The following GRID1 variants were observed in gnomAD, a reference collection of about 807,000 sequenced individuals.
The protein encoded by GRID1 is glutamate receptor ionotropic, delta-1.
In GRID1, 28 loss-of-function variants were observed where a neutral mutation model predicts 98.0. That is an observed-to-expected ratio of 0.29 (90% CI 0.21 to 0.39). GRID1 has a LOEUF of 0.39. Ranked by LOEUF, GRID1 falls within the 10% of genes least tolerant of loss-of-function variation. GRID1 has a pLI of 1.00. For missense variants in GRID1, 1,111 were observed against 1,340.5 expected (o/e 0.83, Z 2.67); for synonymous variants, 553 against 538.5 (o/e 1.03, Z -0.37).
intron 4 of GRID1, among the ~76,000 whole-genome samples, chr10:86,028,571 T>C (rs1843146139): frequency 6.6e-6 from 1 of 152,188 alleles, no homozygotes; most frequent in African/African-American, 2.4e-5. Context: ...CAGATTCACA[T>C]GGAATAGCTG....
intron 4 of GRID1, among the ~76,000 whole-genome samples, chr10:86,084,413 T>G (rs1844021236): frequency 6.6e-6 from 1 of 152,174 alleles, no homozygotes; most frequent in South Asian, 2.1e-4. Context: ...GGAACCCTTA[T>G]GCACTATTGA....
intron 15 of GRID1, chr10:85,607,298 A>G (rs1002333754): frequency 5.9e-5 from 9 of 152,222 alleles, no homozygotes; most frequent in Non-Finnish European, 1.3e-4. Context: ...AACAGCTCTT[A>G]TTGTAAGTTG....
intron 4 of GRID1, among the ~76,000 whole-genome samples, chr10:86,066,937 G>A (rs933120183): frequency 2.0e-5 from 3 of 152,080 alleles, no homozygotes; most frequent in Non-Finnish European, 2.9e-5. Context: ...GGCTTTCCGC[G>A]GGCCACTGTC....
At chr10:85,753,335 T>C (rs1362252506) in intron 8 of GRID1, among the ~76,000 whole-genome samples, 1 of 152,238 alleles carries the variant, frequency 6.6e-6, no homozygotes, top group Admixed American at 6.5e-5. Context: ...GACTGACATG[T>C]AGACAGTGAG....
At chr10:85,882,676 G>C (rs1337727045) in intron 5 of GRID1, among the ~76,000 whole-genome samples, 1 of 152,174 alleles carries the variant, frequency 6.6e-6, no homozygotes, top group African/African-American at 2.4e-5. Context: ...AATGTTAAAT[G>C]ACAAGTTAAT....
Position 86,138,981 on chromosome 10 carries a change from C to T in GRID1, c.564G>A (p.Leu188=), listed in dbSNP as rs1844972269. Residue 188 remains leucine, a synonymous_variant, in exon 4 of 16, where the codon CTG becomes CTA. Transcript: ENST00000327946. The part of the protein sequence containing the change: ...LQSFLDQASR[L]GLDVSLQKVD... Reference sequence around the variant, plus strand: ...CCTTTTGTAAAGAGACGTCAAGGCCCAGCCGCGAGGCCTGGTCCAGAAAGC... The same window carrying T: ...CCTTTTGTAAAGAGACGTCAAGGCCTAGCCGCGAGGCCTGGTCCAGAAAGC... The T allele has an allele frequency of 1.2e-6, 2 of 1,613,970 alleles. No individual in the cohort carries two copies. Among genetic ancestry groups the T allele is most frequent in the South Asian group, 2.2e-5 (2 of 91,074 alleles).
intron 4 of GRID1, among the ~76,000 whole-genome samples, chr10:85,967,093 T>A (rs1378211834): frequency 1.3e-5 from 2 of 152,226 alleles, no homozygotes; most frequent in African/African-American, 4.8e-5. Context: ...CTCTCTCACC[T>A]GCTGCCACGT....
chr10:85,937,913 G>A (rs1019583317), intron 4 of GRID1, among the ~76,000 whole-genome samples: 1 of 152,204 alleles, frequency 6.6e-6, no homozygotes, highest in Non-Finnish European at 1.5e-5. Context: ...ACACAAAGTT[G>A]ACACTAAATA....
chr10:86,275,235 A>G (rs1336731230), intron 2 of GRID1, among the ~76,000 whole-genome samples: 1 of 152,236 alleles, frequency 6.6e-6, no homozygotes, highest in Non-Finnish European at 1.5e-5. Flanking sequence ...TCTTTGAGAA[A>G]GTTACTAAAC....
intron 4 of GRID1, among the ~76,000 whole-genome samples, chr10:86,126,950 A>C (rs559187442): frequency 1.3e-5 from 2 of 152,322 alleles, no homozygotes; most frequent in South Asian, 2.1e-4. Flanking sequence ...TGGATTTATG[A>C]CCTGGCTGTC....
At chr10:85,681,764 T>C (rs1330462672) in intron 12 of GRID1, among the ~76,000 whole-genome samples, 2 of 152,064 alleles carry the variant, frequency 1.3e-5, no homozygotes, top group East Asian at 3.9e-4. Flanking sequence ...TCACTTCCCA[T>C]ATTAAACAGC....
intron 12 of GRID1, among the ~76,000 whole-genome samples, chr10:85,653,070 G>A (rs1840846314): frequency 6.6e-6 from 1 of 152,194 alleles, no homozygotes; most frequent in Non-Finnish European, 1.5e-5. Context: ...GGCCACACAA[G>A]ACTCAGTCAC....
chr10:86,027,729 T>C (rs560446698), intron 4 of GRID1, among the ~76,000 whole-genome samples: 7 of 152,324 alleles, frequency 4.6e-5, no homozygotes, highest in Non-Finnish European at 7.4e-5. Context: ...TCCAGTCACA[T>C]ACATTGTTTG....
At chr10:86,185,108 T>A (rs1845710333) in intron 3 of GRID1, among the ~76,000 whole-genome samples, 1 of 152,146 alleles carries the variant, frequency 6.6e-6, no homozygotes, top group African/African-American at 2.4e-5. Flanking sequence ...AGTCTTCCAA[T>A]CCATGAACAC....
chr10:85,777,695 C>G (rs1842345005), intron 8 of GRID1, among the ~76,000 whole-genome samples: 1 of 152,246 alleles, frequency 6.6e-6, no homozygotes, highest in South Asian at 2.1e-4. Context: ...GACTTCTCAA[C>G]TGGTCATAGC....
At chr10:86,045,434 T>C (rs1843409404) in intron 4 of GRID1, among the ~76,000 whole-genome samples, 1 of 152,236 alleles carries the variant, frequency 6.6e-6, no homozygotes, top group African/African-American at 2.4e-5. Context: ...GGGGAAATTA[T>C]TTTGACAAGC....
At chr10:86,231,647 T>C (rs989167790) in intron 2 of GRID1, among the ~76,000 whole-genome samples, 2 of 152,182 alleles carry the variant, frequency 1.3e-5, no homozygotes, top group Non-Finnish European at 2.9e-5. Flanking sequence ...ATGGGAAGAA[T>C]AACCTGTCCA....
At chr10:85,721,564 T>A (rs1334755354) in intron 12 of GRID1, among the ~76,000 whole-genome samples, 2 of 152,214 alleles carry the variant, frequency 1.3e-5, no homozygotes, top group African/African-American at 4.8e-5. Flanking sequence ...CGTGGACGAA[T>A]CTCTAAGGAA....
intron 6 of GRID1, among the ~76,000 whole-genome samples, chr10:85,868,002 C>T (rs1215699724): frequency 5.3e-5 from 8 of 152,194 alleles, no homozygotes; most frequent in Non-Finnish European, 7.3e-5. Context: ...ACAAAATGTG[C>T]AGCCCCTGAT....
Sources: gnomAD v4.1 joint callset for allele counts (sites outside exome capture counted in the v4.1 genomes callset) on GRCh38, gnomAD v4.1.1 for gene constraint, MANE v1.5 for transcripts, NCBI Gene and HGNC (gene_info 2026-07-23, HGNC 2026-07-21) for gene names.